The following SLC25A16 variants were observed in gnomAD, a reference collection of about 807,000 sequenced individuals.
SLC25A16 encodes the protein mitochondrial coenzyme A transporter SLC25A16.
In SLC25A16, 39 loss-of-function variants were observed where a neutral mutation model predicts 41.5. The observed-to-expected ratio is 0.94, with a 90% CI of 0.73 to 1.23. SLC25A16 has a LOEUF of 1.23. Among genes scored for constraint, SLC25A16 ranks in the 50% most tolerant of loss-of-function variants. SLC25A16 has a pLI of 0.00. For missense variants in SLC25A16, 421 were observed against 426.9 expected (o/e 0.99, Z 0.12); for synonymous variants, 146 against 147.8 (o/e 0.99, Z 0.09).
At position 68,506,714 on chromosome 10, in the gene SLC25A16, T is replaced by C. The variant is rs1299516292; in HGVS notation, c.228A>G (p.Val76=). The C allele has an allele frequency of 1.7e-5, 26 of 1,563,958 alleles. No individual in the cohort carries two copies. In the Admixed American group the frequency reaches 5.1e-4, roughly 31 times the overall value. ...AHNHHYKHLG[V]FSALRAVPQK... ...GAGGAACAGCACGCAATGCAGAAAA[T>C]ACTCCTATTTTTAGAGGAAAAATGC... Residue 76 remains valine, a synonymous_variant, in exon 3 of 9, where the codon GTA becomes GTG. Coordinates refer to ENST00000609923, the MANE Select transcript of SLC25A16 (RefSeq NM_152707.4).
At chr10:68,489,181 A>G (rs1178941477) in intron 6 of SLC25A16, among the ~76,000 whole-genome samples, 1 of 152,186 alleles carries the variant, frequency 6.6e-6, no homozygotes, top group East Asian at 1.9e-4. Flanking sequence ...AGGCAGGAGA[A>G]TCATTTGAAC....
At chr10:68,505,709 A>G (rs547003519) in intron 3 of SLC25A16, among the ~76,000 whole-genome samples, 1 of 151,866 alleles carries the variant, frequency 6.6e-6, no homozygotes, top group Non-Finnish European at 1.5e-5. Flanking sequence ...ACTCCAGCCT[A>G]GGGAACAAAA....
chr10:68,506,806 C>T, intron 2 of SLC25A16, 88 bp from the exon 3 acceptor site: 2 of 739,544 alleles, frequency 2.7e-6, no homozygotes, highest in East Asian at 6.2e-5. Context: ...ATTAATGTGC[C>T]ATCACTCAAG....
At position 68,524,837 on chromosome 10, in the gene SLC25A16, G is replaced by T. The variant is rs546948914; in HGVS notation, c.130+2409C>A. Among the ~76,000 whole-genome samples, 605 of 148,480 alleles carry T rather than the reference G, an allele frequency of 4.1e-3. 2 individuals are homozygous for T. The highest frequency in any genetic ancestry group is 0.018 in the Middle Eastern group (5 of 276). ...GGTTGCAGTGAGCAGAGATCGTGCC[G>T]CTGCACTCCAGCCTGGCCGACAGAG... On this transcript the variant is annotated intron_variant, in intron 1 of 8. Transcript: ENST00000609923.
At chr10:68,509,588 C>T (rs908919215) in intron 2 of SLC25A16, among the ~76,000 whole-genome samples, 2 of 150,178 alleles carry the variant, frequency 1.3e-5, no homozygotes, top group Non-Finnish European at 3.0e-5. Flanking sequence ...TGGTGGCGCT[C>T]GCAATTCAGG....
intron 7 of SLC25A16, among the ~76,000 whole-genome samples, chr10:68,487,608 T>TGTTTA (rs2052585835): frequency 6.6e-6 from 1 of 152,184 alleles, no homozygotes; most frequent in Non-Finnish European, 1.5e-5. Flanking sequence ...GCACTAGAGA[T>TGTTTA]GTTTAAGCAC....
chr10:68,483,549 A>G lies in SLC25A16; in HGVS notation c.882T>C (p.His294=), dbSNP rs769863797. 6 of 1,611,726 alleles carry G rather than the reference A, an allele frequency of 3.7e-6. No homozygotes were observed. Among genetic ancestry groups the G allele is most frequent in the Non-Finnish European group, 4.2e-6 (5 of 1,178,636 alleles). The part of the protein sequence containing the change: ...RDTMKYVYGH[H]GIRKGLYRGL... ...CACGATAGAGTCCTTTTCGAATTCC[A>G]TGGTGTCCATAGACATACTTCATAG... is the stretch of plus-strand genomic sequence containing the variant. The change falls in exon 9 of 9, where the codon CAT becomes CAC. Residue 294 remains histidine (H), a synonymous_variant. Transcript: ENST00000609923.
chr10:68,511,860 ATTTTT>A (rs1252932932), intron 2 of SLC25A16, among the ~76,000 whole-genome samples: 1 of 144,786 alleles, frequency 6.9e-6, no homozygotes, highest in African/African-American at 2.5e-5. Flanking sequence ...CATGCATTTA[ATTTTT>A]TTTTTTTTTA....
At chr10:68,503,192 G>C (rs1035262673) in intron 4 of SLC25A16, 3 of 152,886 alleles carry the variant, frequency 2.0e-5, no homozygotes, top group African/African-American at 7.2e-5. Flanking sequence ...AAAACTCATT[G>C]ATCACAGTCA....
rs764638250 is a variant in SLC25A16 at position 68,488,539 on chromosome 10, T to G, written c.701A>C (p.Asn234Thr). Residue 234 changes from asparagine (N) to threonine (T), a missense_variant, in exon 7 of 9, where the codon AAT (asparagine) becomes ACT (threonine). By Grantham distance (65) the Asn-to-Thr change is moderately conservative (BLOSUM62 0). Coordinates refer to ENST00000609923, the MANE Select transcript of SLC25A16 (RefSeq NM_152707.4). ...TACATGAGTTTTCAAAACTAAGACA[T>G]TAGGATTGTCTGATGAAGGTCTGCC... ...LLGRPSSDNP[N>T]VLVLKTHVNL... 2.5e-6 allele frequency: 4 copies of G among 1,599,624 alleles called. No homozygotes were observed. In the South Asian group the frequency reaches 4.6e-5, roughly 18 times the overall value.
rs2052450835 is a variant in SLC25A16 at position 68,478,385 on chromosome 10, AGAATAGAT to A, written c.*5039_*5046del. ...ATACTAGAATGTGTCTGGGTTTCAAAGAATAGATGCGAGGAACTATGTAAAGTGTATGC... is the reference window on the plus strand; with the variant it reads ...ATACTAGAATGTGTCTGGGTTTCAAAGCGAGGAACTATGTAAAGTGTATGC... On this transcript the variant is annotated 3_prime_UTR_variant, in exon 9 of 9. Coordinates refer to ENST00000609923, the MANE Select transcript of SLC25A16 (RefSeq NM_152707.4). The A allele has an allele frequency of 6.6e-6, 1 of 152,206 alleles. No individual in the cohort carries two copies. Among genetic ancestry groups the A allele is most frequent in the African/African-American group, 2.4e-5 (1 of 41,454 alleles). 9.4% of individuals were successfully genotyped at this position (152,206 alleles called of 1,614,324 possible). A position where few individuals can be genotyped will look rare whatever the true frequency, so the allele number is the denominator to read the frequency against.
At chr10:68,520,980 A>C (rs992274775) in intron 1 of SLC25A16, among the ~76,000 whole-genome samples, 4 of 149,612 alleles carry the variant, frequency 2.7e-5, no homozygotes, top group Non-Finnish European at 5.9e-5. Context: ...CTAAAACTAC[A>C]AAAAATTAGC....
intron 8 of SLC25A16, 174 bp downstream of exon 8, chr10:68,486,956 CAAAAAAAAAAAAAA>C (rs374368406): frequency 1.6e-4 from 16 of 103,130 alleles, no homozygotes; most frequent in African/African-American, 6.0e-4. Flanking sequence ...GACTGCATCT[CAAAAAAAAAAAAAA>C]AAAAAAAAAA....
At position 68,478,862 on chromosome 10, in the gene SLC25A16, AT is replaced by A. The variant is rs1454561718; in HGVS notation, c.*4569del. The A allele has an allele frequency of 9.2e-5, 14 of 151,922 alleles. No individual in the cohort carries two copies. Among genetic ancestry groups the A allele is most frequent in the African/African-American group, 3.4e-4 (14 of 41,354 alleles). 9.4% of individuals were successfully genotyped at this position (151,922 alleles called of 1,614,324 possible). ...AACCTCCGCCTTCTGGGTTCAAGCA[AT>A]TCTCCTACCTCAGCCTCCCAAGTAG... On this transcript the variant is annotated 3_prime_UTR_variant, in exon 9 of 9. Transcript: ENST00000609923.
chr10:68,515,020 G>A (rs1212013309), intron 2 of SLC25A16, among the ~76,000 whole-genome samples: 2 of 151,092 alleles, frequency 1.3e-5, no homozygotes, highest in Non-Finnish European at 2.9e-5. Context: ...ATACAGGCAT[G>A]AGCCACTGCA....
At position 68,516,760 on chromosome 10, in the gene SLC25A16, T is replaced by G. The variant is rs773022510; in HGVS notation, c.214A>C (p.Lys72Gln). Reference protein sequence around the residue: ...VLLQAHNHHYKHLGVFSALRA... With the variant: ...VLLQAHNHHYQHLGVFSALRA... ...GCATCTATTAACTCACCTAAATGCT[T>G]GTAATGGTGATTGTGAGCTTGTAAT... is the stretch of plus-strand genomic sequence containing the variant. The change falls in exon 2 of 9, where the codon AAG becomes CAG. Residue 72 changes from lysine (K) to glutamine (Q), a missense_variant. Transcript: ENST00000609923. 10 of 1,601,576 alleles carry G rather than the reference T, an allele frequency of 6.2e-6. No homozygotes were observed. The highest frequency in any genetic ancestry group is 8.5e-6 in the Non-Finnish European group (10 of 1,169,748).
chr10:68,486,264 A>G (rs2052561626), intron 8 of SLC25A16, among the ~76,000 whole-genome samples: 2 of 147,664 alleles, frequency 1.4e-5, no homozygotes, highest in Admixed American at 1.3e-4. Flanking sequence ...CTCTAAAATA[A>G]TATTTTTTTT....
chr10:68,510,607 G>A (rs191082710), intron 2 of SLC25A16, among the ~76,000 whole-genome samples: 117 of 151,826 alleles, frequency 7.7e-4, no homozygotes, highest in African/African-American at 8.7e-4. Context: ...TTTGGAGGCC[G>A]AAGCAGGCGG....
At position 68,521,161 on chromosome 10, in the gene SLC25A16, A is replaced by C. The variant is rs534805451; in HGVS notation, c.131-4318T>G. Among the ~76,000 whole-genome samples the C allele has an allele frequency of 1.1e-4, 16 of 152,078 alleles. No individual in the cohort carries two copies. In the East Asian group the frequency reaches 2.9e-3, roughly 28 times the overall value. On this transcript the variant is annotated intron_variant, in intron 1 of 8. Transcript: ENST00000609923. The stretch of plus-strand genomic sequence containing the variant: ...AAAAAAAAGGAACACACAGACACAC[A>C]CATACTCACATTTAATATCAAGTGC...
Sources: allele counts gnomAD v4.1 joint callset (sites outside exome capture counted in the v4.1 genomes callset), GRCh38; gene constraint gnomAD v4.1.1; transcripts MANE v1.5; gene names NCBI Gene and HGNC (gene_info 2026-07-23, HGNC 2026-07-21).